Variants in TSNAXIP1 observed in about 807,000 individuals in gnomAD.
TSNAXIP1 encodes the protein translin-associated factor X-interacting protein 1.
Under a neutral mutation model 84.8 loss-of-function variants are expected in TSNAXIP1, and 89 were observed. The observed-to-expected ratio is 1.05, with a 90% CI of 0.88 to 1.25. The LOEUF (loss-of-function observed/expected upper bound fraction) is 1.25. Ranked by LOEUF, TSNAXIP1 falls within the 50% of genes most tolerant of loss-of-function variation. The pLI, the probability that TSNAXIP1 is intolerant of heterozygous loss-of-function variation, is 0.00. For missense variants in TSNAXIP1, 874 were observed against 887.6 expected (o/e 0.98, Z 0.20); for synonymous variants, 347 against 335.2 (o/e 1.04, Z -0.39).
Position 67,827,463 on chromosome 16 carries a change from C to A in TSNAXIP1, c.1792-10C>A. 6.2e-7 allele frequency: 1 copy of A among 1,614,082 alleles called. No homozygotes were observed. Among genetic ancestry groups the A allele is most frequent in the Non-Finnish European group, 8.5e-7 (1 of 1,179,950 alleles). On this transcript the variant is annotated splice_polypyrimidine_tract_variant and intron_variant, in intron 14 of 15. Coordinates refer to ENST00000561639, the MANE Select transcript of TSNAXIP1 (RefSeq NM_001288990.3). ...AATGTGCCCTCCCCCTGACTTGTGG[C>A]CCCTCCCAGGATGAGGAGGGCCAGA...
At chr16:67,809,973 TA>T (rs71892793) in intron 1 of TSNAXIP1, among the ~76,000 whole-genome samples, 8,073 of 151,330 alleles carry the variant, frequency 0.053, 653 homozygotes, top group African/African-American at 0.18. Flanking sequence ...AAATAAAATT[TA>T]AAAAAAAATA....
At chr16:67,816,132 AT>A (rs534819067) in intron 2 of TSNAXIP1, among the ~76,000 whole-genome samples, 1 of 151,176 alleles carries the variant, frequency 6.6e-6, no homozygotes, top group Non-Finnish European at 1.5e-5. Flanking sequence ...CACCTGGCTA[AT>A]TTTTTTTGTA....
Position 67,825,698 on chromosome 16 carries a change from C to T in TSNAXIP1, c.846C>T (p.Thr282=), listed in dbSNP as rs1380669069. ...GGGGGGAGGACCCTGTGAAGTTAAC[C>T]CTGGCTCTTAAGATGACCCGGCAAG... ...GIWGEDPVKL[T]LALKMTRQDL... is the part of the protein sequence containing the mutation. Residue 282 remains threonine (T), a synonymous_variant, in exon 8 of 16, where the codon ACC becomes ACT. Coordinates refer to ENST00000561639, the MANE Select transcript of TSNAXIP1 (RefSeq NM_001288990.3). 6.2e-7 allele frequency: 1 copy of T among 1,613,946 alleles called. No homozygotes were observed. The highest frequency in any genetic ancestry group is 1.7e-5 in the Admixed American group (1 of 59,992).
intron 4 of TSNAXIP1, among the ~76,000 whole-genome samples, chr16:67,823,093 G>T (rs1263843492): frequency 6.6e-6 from 1 of 152,204 alleles, no homozygotes; most frequent in Non-Finnish European, 1.5e-5. Context: ...TATGGTCATG[G>T]CAGTCCACTA....
chr16:67,824,512 G>T, intron 5 of TSNAXIP1, 71 bp from the exon 6 acceptor site: 1 of 1,471,414 alleles, frequency 6.8e-7, no homozygotes, highest in South Asian at 1.2e-5. Flanking sequence ...ACTCACCCAT[G>T]ACCTTAGGGT....
At chr16:67,817,235 C>T (rs1402213992) in intron 2 of TSNAXIP1, among the ~76,000 whole-genome samples, 10 of 151,774 alleles carry the variant, frequency 6.6e-5, no homozygotes, top group Non-Finnish European at 1.5e-4. Flanking sequence ...CTGCAAGTTC[C>T]GCCTCCCGGG....
In TSNAXIP1 at chr16:67,820,288, A is replaced by G. The variant is rs533441248; in HGVS notation, c.148-551A>G. ...TCTCACTGCATCCTCACATCAATACACTGTGACAAAGACTACCATCATCCC... is the reference window on the plus strand; with the variant it reads ...TCTCACTGCATCCTCACATCAATACGCTGTGACAAAGACTACCATCATCCC... On this transcript the variant is annotated intron_variant, in intron 2 of 15. Coordinates refer to ENST00000561639, the MANE Select transcript of TSNAXIP1 (RefSeq NM_001288990.3). Among the ~76,000 whole-genome samples the G allele has an allele frequency of 3.3e-5, 5 of 152,260 alleles. No homozygotes were observed. In the East Asian group the frequency reaches 9.7e-4, roughly 29 times the overall value.
chr16:67,819,165 G>A (rs916552081), intron 2 of TSNAXIP1, among the ~76,000 whole-genome samples: 1 of 151,792 alleles, frequency 6.6e-6, no homozygotes, highest in African/African-American at 2.4e-5. Context: ...ACTCCAGCTT[G>A]GCAACTCCAT....
chr16:67,828,032 C>T lies in TSNAXIP1; in HGVS notation c.*39C>T, dbSNP rs376340140. ...GCCTGCGTACTCCAGTCCTGCTAACCCCTAGCTTTTAATATAAAAGTGTTT... is the reference window on the plus strand; with the variant it reads ...GCCTGCGTACTCCAGTCCTGCTAACTCCTAGCTTTTAATATAAAAGTGTTT... On this transcript the variant is annotated 3_prime_UTR_variant, in exon 16 of 16. Transcript: ENST00000561639. 1.1e-5 allele frequency: 18 copies of T among 1,601,670 alleles called. No homozygotes were observed. Among genetic ancestry groups the T allele is most frequent in the Non-Finnish European group, 1.4e-5 (16 of 1,174,102 alleles).
chr16:67,814,268 G>A (rs1284757024), intron 1 of TSNAXIP1, 34 bp from the exon 2 acceptor site: 2 of 1,488,184 alleles, frequency 1.3e-6, no homozygotes, highest in East Asian at 2.5e-5. Flanking sequence ...TCTGGACTCT[G>A]TCACCCACCA....
chr16:67,826,309 T>C, intron 10 of TSNAXIP1, 27 bp downstream of exon 10: 1 of 1,579,370 alleles, frequency 6.3e-7, no homozygotes, highest in Non-Finnish European at 8.6e-7. Context: ...GAGTGGGGCT[T>C]GGGCCAGAGT....
intron 1 of TSNAXIP1, among the ~76,000 whole-genome samples, chr16:67,809,631 AAAAT>A (rs60640902): frequency 1.1e-4 from 17 of 150,502 alleles, no homozygotes; most frequent in South Asian, 8.3e-4. Flanking sequence ...GTCTCAAAAA[AAAAT>A]AAATAAATAA....
chr16:67,814,527 C>T, intron 2 of TSNAXIP1, 126 bp downstream of exon 2: 1 of 797,548 alleles, frequency 1.3e-6, no homozygotes, highest in Non-Finnish European at 2.1e-6. Flanking sequence ...ACCAGAGTGG[C>T]TTCTTCTCAG....
chr16:67,826,239 T>C lies in TSNAXIP1; in HGVS notation c.1232T>C (p.Ile411Thr), dbSNP rs757316111. Residue 411 changes from isoleucine (I) to threonine (T), a missense_variant, in exon 10 of 16, where the codon ATT (isoleucine) becomes ACT (threonine). Physicochemically the swap from Ile to Thr is moderately conservative, Grantham distance 89. Transcript: ENST00000561639. ...DQLVDVLLEE[I>T]GSGLLREKDF... Reference sequence around the variant, plus strand: ...CTGGTGGACGTGCTCCTGGAAGAGATTGGTTCGGGGCTGCTGCGGGAGAAA... The same window carrying C: ...CTGGTGGACGTGCTCCTGGAAGAGACTGGTTCGGGGCTGCTGCGGGAGAAA... The C allele has an allele frequency of 2.8e-5, 44 of 1,596,504 alleles. No homozygotes were observed. The highest frequency in any genetic ancestry group is 3.1e-5 in the Non-Finnish European group (36 of 1,170,198).
chr16:67,815,996 A>T (rs2056518141), intron 2 of TSNAXIP1, among the ~76,000 whole-genome samples: 1 of 119,510 alleles, frequency 8.4e-6, no homozygotes, highest in African/African-American at 4.1e-5. Context: ...TTTGAGACGG[A>T]ATCTCGCTGT....
chr16:67,824,898 T>G, intron 6 of TSNAXIP1, 119 bp downstream of exon 6: 1 of 1,200,682 alleles, frequency 8.3e-7, no homozygotes, highest in Non-Finnish European at 1.2e-6. Flanking sequence ...GCCACCACCT[T>G]CCCCCAGAGC....
In TSNAXIP1 at chr16:67,826,248, GGCT is replaced by G. The variant is rs762560377; in HGVS notation, c.1247_1249del (p.Leu416del). The stretch of plus-strand genomic sequence containing the variant: ...GTGCTCCTGGAAGAGATTGGTTCGG[GGCT>G]GCTGCGGGAGAAAGACTTCTTCCCT... On this transcript the variant is annotated inframe_deletion, in exon 10 of 16. Transcript: ENST00000561639. 70 of 1,586,314 alleles carry G rather than the reference GGCT, an allele frequency of 4.4e-5. No homozygotes were observed. Among genetic ancestry groups the G allele is most frequent in the Non-Finnish European group, 5.8e-5 (68 of 1,164,854 alleles).
At chr16:67,809,826 G>A (rs961208728) in intron 1 of TSNAXIP1, among the ~76,000 whole-genome samples, 5 of 151,612 alleles carry the variant, frequency 3.3e-5, no homozygotes, top group African/African-American at 1.2e-4. Flanking sequence ...GCATGCACCT[G>A]TAATCCCAGC....
chr16:67,822,054 G>T (rs979153963), intron 4 of TSNAXIP1, among the ~76,000 whole-genome samples: 3 of 151,452 alleles, frequency 2.0e-5, no homozygotes, highest in African/African-American at 7.3e-5. Context: ...CGAGGCAGGC[G>T]GATCACCAGG....
Sources: allele counts gnomAD v4.1 joint callset (sites outside exome capture counted in the v4.1 genomes callset), GRCh38; gene constraint gnomAD v4.1.1; transcripts MANE v1.5; gene names NCBI Gene and HGNC (gene_info 2026-07-23, HGNC 2026-07-21).